Variants in ATP1A3 observed in about 807,000 individuals in gnomAD.
ATP1A3 encodes sodium/potassium-transporting ATPase subunit alpha-3.
Under a neutral mutation model 108.8 loss-of-function variants are expected in ATP1A3, and 12 were observed. That is an observed-to-expected ratio of 0.11 (90% CI 0.07 to 0.18). ATP1A3 has a LOEUF of 0.18. Ranked by LOEUF, ATP1A3 falls within the 10% of genes least tolerant of loss-of-function variation. The probability of loss-of-function intolerance (pLI) is 1.00; values close to 1 mark genes in which losing one functional copy is unlikely to be tolerated. For synonymous variants in ATP1A3, 539 were observed against 564.5 expected, an observed-to-expected ratio of 0.95 and a Z score of 0.64; for missense variants, 498 against 1,387.7, an observed-to-expected ratio of 0.36 and a Z score of 10.19.
rs1555864895 is a variant in ATP1A3 at position 41,985,143 on chromosome 19, G to A, written c.768C>T (p.Val256=). The part of the protein sequence containing the change: ...GVVVATGDRT[V]MGRIATLASG... ...ATGCCAGGGTGGCGATACGGCCCAT[G>A]ACAGTGCGGTCGCCCGTGGCCACCA... Residue 256 remains valine (V), a synonymous_variant, in exon 8 of 23, where the codon GTC becomes GTT. Transcript: ENST00000648268. The surrounding 1 kb of genome is among the most constrained non-coding windows in gnomAD (Gnocchi z 8.2). 3.5e-5 allele frequency: 56 copies of A among 1,613,776 alleles called. No homozygotes were observed. Among genetic ancestry groups the A allele is most frequent in the Non-Finnish European group, 4.1e-5 (48 of 1,179,772 alleles).
rs781872061 is a variant in ATP1A3, at chr19:41,967,678, G to A, written c.2905C>T (p.Arg969Cys). The A allele has an allele frequency of 2.5e-6, 4 of 1,614,018 alleles. No individual in the cohort carries two copies. The highest frequency in any genetic ancestry group is 1.1e-5 in the South Asian group (1 of 91,074). Reference protein sequence around the residue: ...SYCPGMDVALRMYPLKPSWWF... With the variant: ...SYCPGMDVALCMYPLKPSWWF... ...GGCACTCACTTGAGAGGGTACATGC[G>A]CAGGGCCACGTCCATGCCGGGGCAG... Residue 969 changes from arginine to cysteine, a missense_variant, in exon 21 of 23, where the codon CGC (arginine) becomes TGC (cysteine). Arg to Cys is a radical substitution (Grantham distance 180). This residue lies in a region of ATP1A3 where 121 missense variants were observed against 425.1 expected (regional missense o/e 0.28). Transcript: ENST00000648268. This position sits in a 1 kb window ranked among gnomAD's most constrained non-coding sequence, Gnocchi z 4.2.
At position 41,967,120 on chromosome 19, in the gene ATP1A3, G is replaced by A; in HGVS notation, c.3013+129C>T. On this transcript the variant is annotated intron_variant, in intron 22 of 22. Coordinates refer to ENST00000648268, the MANE Select transcript of ATP1A3 (RefSeq NM_152296.5). The surrounding 1 kb of genome is among the most constrained non-coding windows in gnomAD (Gnocchi z 4.2). ...AGAAGACAGAGTGGGTGCCCGGAGAGATGGGAAGAGAGAGAAGAGTGGGAA... is the reference window on the plus strand; with the variant it reads ...AGAAGACAGAGTGGGTGCCCGGAGAAATGGGAAGAGAGAGAAGAGTGGGAA... The A allele has an allele frequency of 1.3e-6, 2 of 1,558,856 alleles. No individual in the cohort carries two copies. The highest frequency in any genetic ancestry group is 1.7e-6 in the Non-Finnish European group (2 of 1,151,290).
intron 8 of ATP1A3, chr19:41,984,551 A>C (rs1454298536): frequency 1.3e-5 from 3 of 233,968 alleles, no homozygotes; most frequent in East Asian, 2.0e-4. Context: ...AACTTGATGT[A>C]CTCTTCAACT....
rs994025550 is a variant in ATP1A3 at position 41,968,175 on chromosome 19, T to A, written c.2820-412A>T. ...CACACACACAGAGGCTGAGAGAGAATCTAGGACACACAGGACCCCTTGAGA... is the reference window on the plus strand; with the variant it reads ...CACACACACAGAGGCTGAGAGAGAAACTAGGACACACAGGACCCCTTGAGA... On this transcript the variant is annotated intron_variant, in intron 20 of 22. Coordinates refer to ENST00000648268, the MANE Select transcript of ATP1A3 (RefSeq NM_152296.5). The surrounding 1 kb of genome is among the most constrained non-coding windows in gnomAD (Gnocchi z 5.0). Among the ~76,000 whole-genome samples, 3 of 151,586 alleles carry A rather than the reference T, an allele frequency of 2.0e-5. No individual in the cohort carries two copies. The highest frequency in any genetic ancestry group is 4.2e-4 in the South Asian group (2 of 4,796).
chr19:41,969,132 G>T lies in ATP1A3; in HGVS notation c.2689-217C>A, dbSNP rs73051437. On this transcript the variant is annotated intron_variant, in intron 19 of 22. Coordinates refer to ENST00000648268, the MANE Select transcript of ATP1A3 (RefSeq NM_152296.5). ...TAATGGTGATCTCACCATCCACCAG[G>T]GGCCAGGGAGGAGGATAAGGACCCT... Among the ~76,000 whole-genome samples, 3,547 of 152,286 alleles carry T rather than the reference G, an allele frequency of 0.023. 60 individuals carry two copies. Among genetic ancestry groups the T allele is most frequent in the Non-Finnish European group, 0.033 (2,236 of 68,016 alleles).
Position 41,982,938 on chromosome 19 carries a change from G to A in ATP1A3, c.994-832C>T, listed in dbSNP as rs1042206763. ...GGTCTTGAGGGGGCTTCAGGGAGAC[G>A]CAGTCTCGTTGCAGCTGACGTGATT... On this transcript the variant is annotated intron_variant, in intron 8 of 22. Coordinates refer to ENST00000648268, the MANE Select transcript of ATP1A3 (RefSeq NM_152296.5). Among the ~76,000 whole-genome samples the A allele has an allele frequency of 9.9e-5, 15 of 152,186 alleles. No homozygotes were observed. In the South Asian group the frequency reaches 1.0e-3, roughly 10 times the overall value.
rs1422855799 is a variant in ATP1A3 at position 41,966,593 on chromosome 19, C to T, written c.*344G>A. 9.9e-6 allele frequency: 14 copies of T among 1,408,104 alleles called. No individual in the cohort carries two copies. Among genetic ancestry groups the T allele is most frequent in the African/African-American group, 4.3e-5 (3 of 69,440 alleles). 87.2% of individuals were successfully genotyped at this position (1,408,104 alleles called of 1,614,324 possible). On this transcript the variant is annotated 3_prime_UTR_variant, in exon 23 of 23. Transcript: ENST00000648268. The stretch of plus-strand genomic sequence containing the variant: ...AACACACACACCGCTTCTCTCTCCC[C>T]ACTGATATATTTGATAATTGTCCAG...
rs991321283 is a variant in ATP1A3, at chr19:41,978,444, A to G, written c.1631-118T>C. ...CCCATCAGCAAGACGGCCAGTCAGC[A>G]TTCATTTCCTAGGATACCTTCCCCT... On this transcript the variant is annotated intron_variant, in intron 12 of 22. Transcript: ENST00000648268. The surrounding 1 kb of genome is among the most constrained non-coding windows in gnomAD (Gnocchi z 8.3). 6.8e-7 allele frequency: 1 copy of G among 1,471,340 alleles called. No individual in the cohort carries two copies. Among genetic ancestry groups the G allele is most frequent in the Non-Finnish European group, 9.2e-7 (1 of 1,081,712 alleles). The allele number at this position is 1,471,340 out of a possible 1,614,324, so 91.1% of individuals were successfully genotyped here.
chr19:41,984,307 C>A (rs1433467951), intron 8 of ATP1A3: 1 of 152,650 alleles, frequency 6.6e-6, no homozygotes, highest in Non-Finnish European at 1.5e-5. Flanking sequence ...CTCACTGCAA[C>A]CTCCGCCTCC....
intron 1 of ATP1A3, among the ~76,000 whole-genome samples, chr19:41,990,018 T>A (rs1164502381): frequency 6.6e-6 from 1 of 152,158 alleles, no homozygotes; most frequent in Non-Finnish European, 1.5e-5. Context: ...TTTCTGTCTC[T>A]CTGGGTTCTT....
chr19:41,971,893 T>C (rs991327236), intron 16 of ATP1A3, among the ~76,000 whole-genome samples: 3 of 152,168 alleles, frequency 2.0e-5, no homozygotes, highest in Non-Finnish European at 4.4e-5. Flanking sequence ...CCCAACTCAC[T>C]GTATGCATGC....
At chr19:41,983,762 A>T (rs1355102179) in intron 8 of ATP1A3, among the ~76,000 whole-genome samples, 2 of 146,970 alleles carry the variant, frequency 1.4e-5, no homozygotes, top group African/African-American at 5.0e-5. Context: ...GCTAATTTAA[A>T]AAAATTTTTT....
chr19:41,988,360 T>G lies in ATP1A3; in HGVS notation c.111A>C (p.Ser37=), dbSNP rs1555866210. 6.2e-7 allele frequency: 1 copy of G among 1,614,158 alleles called. No individual in the cohort carries two copies. Among genetic ancestry groups the G allele is most frequent in the East Asian group, 2.2e-5 (1 of 44,876 alleles). Residue 37 remains serine, a synonymous_variant, in exon 3 of 23, where the codon TCA becomes TCC. Coordinates refer to ENST00000648268, the MANE Select transcript of ATP1A3 (RefSeq NM_152296.5). The surrounding 1 kb of genome is among the most constrained non-coding windows in gnomAD (Gnocchi z 5.3). Reference sequence around the variant, plus strand: ...TGTATTTCCGGCAGACCTCTTCCACTGACATCTTGTGCTCTGTCTGAGGAA... The same window carrying G: ...TGTATTTCCGGCAGACCTCTTCCACGGACATCTTGTGCTCTGTCTGAGGAA... ...KEVAMTEHKM[S]VEEVCRKYNT...
At chr19:41,990,379 A>C (rs1335969730) in intron 1 of ATP1A3, among the ~76,000 whole-genome samples, 1 of 94,672 alleles carries the variant, frequency 1.1e-5, no homozygotes, top group Admixed American at 1.0e-4. Flanking sequence ...GTCTCTCTCA[A>C]ATCTTCCGTC....
chr19:41,974,884 GTTCC>G (rs1555860613), intron 16 of ATP1A3, among the ~76,000 whole-genome samples: 12 of 152,120 alleles, frequency 7.9e-5, no homozygotes, highest in African/African-American at 2.9e-4. Context: ...CTGTGTACCG[GTTCC>G]TCTGCCTGCG....
chr19:41,966,916 G>C lies in ATP1A3; in HGVS notation c.*21C>G. ...GGGCCTGGGGGACGGGGAAGAGATG[G>C]GCGATGTGGTGGGGCTGAGGTCAGT... is the stretch of plus-strand genomic sequence containing the variant. On this transcript the variant is annotated 3_prime_UTR_variant, in exon 23 of 23. Coordinates refer to ENST00000648268, the MANE Select transcript of ATP1A3 (RefSeq NM_152296.5). The C allele has an allele frequency of 6.4e-7, 1 of 1,551,492 alleles. No homozygotes were observed. The highest frequency in any genetic ancestry group is 8.7e-7 in the Non-Finnish European group (1 of 1,147,002).
At chr19:41,976,290 C>G (rs2075169093) in intron 15 of ATP1A3, 126 bp downstream of exon 15, 4 of 1,363,350 alleles carry the variant, frequency 2.9e-6, no homozygotes, top group Admixed American at 2.0e-5. Flanking sequence ...CCAGACCCTC[C>G]TCTCTCAGAC....
chr19:41,967,484 TG>T lies in ATP1A3; in HGVS notation c.2922-145del. The T allele has an allele frequency of 8.3e-7, 1 of 1,202,434 alleles. No homozygotes were observed. Among genetic ancestry groups the T allele is most frequent in the Non-Finnish European group, 1.2e-6 (1 of 861,920 alleles). 74.5% of individuals were successfully genotyped at this position (1,202,434 alleles called of 1,614,324 possible). The stretch of plus-strand genomic sequence containing the variant: ...GGGTGCCCTGGGCGGGGCTGGGGCC[TG>T]GGGTCTTCGGAGTAATCCGTGGTGG... On this transcript the variant is annotated intron_variant, in intron 21 of 22. Transcript: ENST00000648268. This position sits in a 1 kb window ranked among gnomAD's most constrained non-coding sequence, Gnocchi z 4.2.
chr19:41,981,199 A>G lies in ATP1A3; in HGVS notation c.1437+303T>C, dbSNP rs185413519. Among the ~76,000 whole-genome samples, 149 of 151,710 alleles carry G rather than the reference A, an allele frequency of 9.8e-4. No individual in the cohort carries two copies. Among genetic ancestry groups the G allele is most frequent in the African/African-American group, 3.5e-3 (144 of 41,368 alleles). The stretch of plus-strand genomic sequence containing the variant: ...AATTTCGTACAGATGGGGTTTTGCC[A>G]TCTTGCCCAGGCTCGTCTCGAACTC... On this transcript the variant is annotated intron_variant, in intron 11 of 22. Transcript: ENST00000648268. The surrounding 1 kb of genome is among the most constrained non-coding windows in gnomAD (Gnocchi z 5.0).
Sources: allele counts gnomAD v4.1 joint callset (sites outside exome capture counted in the v4.1 genomes callset), GRCh38; gene constraint gnomAD v4.1.1; regional missense constraint gnomAD v4.1.1; non-coding constraint Gnocchi (gnomAD v3.1); transcripts MANE v1.5; gene names NCBI Gene and HGNC (gene_info 2026-07-23, HGNC 2026-07-21).